ANKRD17: variants seen among roughly 807,000 people sequenced by gnomAD.
ANKRD17 encodes ankyrin repeat domain 17, also known as ankyrin repeat domain-containing protein 17.
In ANKRD17, 19 loss-of-function variants were observed where a neutral mutation model predicts 229.7. That is an observed-to-expected ratio of 0.08 (90% CI 0.06 to 0.12). The LOEUF (loss-of-function observed/expected upper bound fraction) is 0.12, where lower values mean the gene tolerates loss of function less well. ANKRD17 is among the 10% of genes least tolerant of loss of function. The pLI is 1.00. For synonymous variants in ANKRD17, 1,112 were observed against 1,146.1 expected (o/e 0.97, Z 0.60); for missense variants, 2,176 against 3,176.8 (o/e 0.68, Z 7.57).
chr4:73,247,271 T>C (rs1744584710), intron 1 of ANKRD17, among the ~76,000 whole-genome samples: 1 of 151,982 alleles, frequency 6.6e-6, no homozygotes, highest in Admixed American at 6.6e-5. Flanking sequence ...ATTAACCACA[T>C]CTAGGAACAT....
intron 29 of ANKRD17, 91 bp downstream of exon 29, chr4:73,090,576 C>T: frequency 2.0e-6 from 3 of 1,500,404 alleles, no homozygotes; most frequent in East Asian, 2.3e-5. Flanking sequence ...TCTATATCGT[C>T]CAGAGAATAA....
intron 1 of ANKRD17, among the ~76,000 whole-genome samples, chr4:73,200,061 A>G (rs1053298934): frequency 6.6e-6 from 1 of 152,200 alleles, no homozygotes; most frequent in Non-Finnish European, 1.5e-5. Context: ...TACAAAATAA[A>G]ATTATACAGG....
chr4:73,121,154 A>G, intron 19 of ANKRD17, 60 bp from the exon 20 acceptor site: 2 of 1,338,462 alleles, frequency 1.5e-6, no homozygotes, highest in South Asian at 1.2e-5. Context: ...TGACAGAAAA[A>G]TTGGAGATGA....
At chr4:73,221,832 G>A (rs546821539) in intron 1 of ANKRD17, among the ~76,000 whole-genome samples, 1 of 152,282 alleles carries the variant, frequency 6.6e-6, no homozygotes, top group South Asian at 2.1e-4. Flanking sequence ...GGTAATAAAT[G>A]GAATCAGTTT....
At chr4:73,227,166 A>G (rs944587285) in intron 1 of ANKRD17, among the ~76,000 whole-genome samples, 1 of 151,748 alleles carries the variant, frequency 6.6e-6, no homozygotes, top group Non-Finnish European at 1.5e-5. Context: ...ACCTAATTTT[A>G]TTTTTGAGAC....
At chr4:73,089,067 C>T (rs1166030448) in intron 29 of ANKRD17, among the ~76,000 whole-genome samples, 1 of 143,696 alleles carries the variant, frequency 7.0e-6, no homozygotes, top group East Asian at 2.0e-4. Flanking sequence ...TTTTTTGAGA[C>T]AGGGTCTCCA....
chr4:73,177,233 T>C (rs1161394059), intron 2 of ANKRD17, 147 bp downstream of exon 2: 3 of 756,632 alleles, frequency 4.0e-6, no homozygotes, highest in Non-Finnish European at 5.5e-6. Flanking sequence ...AAACGCTCCA[T>C]GTAATTCAGC....
chr4:73,102,591 C>T, intron 24 of ANKRD17, 44 bp from the exon 25 acceptor site: 2 of 1,570,560 alleles, frequency 1.3e-6, no homozygotes, highest in South Asian at 2.4e-5. Flanking sequence ...TGAAATTTAC[C>T]CTGGAGAAGA....
intron 29 of ANKRD17, among the ~76,000 whole-genome samples, chr4:73,088,813 A>G (rs907529482): frequency 2.0e-5 from 3 of 152,192 alleles, no homozygotes; most frequent in Admixed American, 1.3e-4. Flanking sequence ...CCGGAATGTC[A>G]TATTTCCAAT....
intron 22 of ANKRD17, among the ~76,000 whole-genome samples, chr4:73,117,095 T>C (rs1232573583): frequency 6.6e-6 from 1 of 152,182 alleles, no homozygotes; most frequent in Non-Finnish European, 1.5e-5. Flanking sequence ...AAATGAATGA[T>C]AAACACTGTC....
At chr4:73,080,201 T>G (rs1721424468) in intron 30 of ANKRD17, among the ~76,000 whole-genome samples, 2 of 151,950 alleles carry the variant, frequency 1.3e-5, no homozygotes. Context: ...AAATCAAAAC[T>G]GTTACCTGCA....
intron 11 of ANKRD17, among the ~76,000 whole-genome samples, chr4:73,143,329 C>A (rs1350243169): frequency 6.6e-6 from 1 of 152,106 alleles, no homozygotes; most frequent in Non-Finnish European, 1.5e-5. Context: ...TCTTGCCATG[C>A]ATGTTACCTA....
At chr4:73,160,110 G>T (rs1394755824) in intron 3 of ANKRD17, among the ~76,000 whole-genome samples, 1 of 151,490 alleles carries the variant, frequency 6.6e-6, no homozygotes, top group African/African-American at 2.4e-5. Context: ...CATTTTATTA[G>T]AGGAGGCAAA....
At chr4:73,188,207 A>G (rs1736551494) in intron 1 of ANKRD17, among the ~76,000 whole-genome samples, 1 of 152,142 alleles carries the variant, frequency 6.6e-6, no homozygotes, top group Non-Finnish European at 1.5e-5. Context: ...AAAAAAGCCT[A>G]CTATTAACTC....
intron 1 of ANKRD17, among the ~76,000 whole-genome samples, chr4:73,189,552 A>G (rs1024997610): frequency 4.6e-5 from 7 of 151,988 alleles, no homozygotes; most frequent in African/African-American, 1.7e-4. Flanking sequence ...GGTCACCACC[A>G]TGCCTGGCTA....
intron 1 of ANKRD17, among the ~76,000 whole-genome samples, chr4:73,187,067 A>C (rs1017662251): frequency 3.9e-5 from 6 of 152,178 alleles, no homozygotes; most frequent in African/African-American, 1.4e-4. Flanking sequence ...CCAGGATGGT[A>C]GCAGTGGGGA....
At chr4:73,178,989 A>G in intron 1 of ANKRD17, among the ~76,000 whole-genome samples, 1 of 152,170 alleles carries the variant, frequency 6.6e-6, no homozygotes, top group East Asian at 1.9e-4. Flanking sequence ...AAGCTAGAAT[A>G]CAATCACGCT....
chr4:73,223,079 G>C, intron 1 of ANKRD17: 2 of 1,526,778 alleles, frequency 1.3e-6, no homozygotes, highest in Middle Eastern at 1.7e-4. Flanking sequence ...ATCATTGCCA[G>C]CAGGAACACT....
At chr4:73,231,304 T>A (rs1360469718) in intron 1 of ANKRD17, among the ~76,000 whole-genome samples, 2 of 152,176 alleles carry the variant, frequency 1.3e-5, no homozygotes, top group Non-Finnish European at 2.9e-5. Flanking sequence ...ATCAAGGGCA[T>A]GGAAAATAAT....
Sources: gnomAD v4.1 joint callset for allele counts (sites outside exome capture counted in the v4.1 genomes callset) on GRCh38, gnomAD v4.1.1 for gene constraint, MANE v1.5 for transcripts, NCBI Gene and HGNC (gene_info 2026-07-23, HGNC 2026-07-21) for gene names.